The following CER1 variants were observed in gnomAD, a reference collection of about 807,000 sequenced individuals.
The protein encoded by CER1 is cerberus 1, DAN family BMP antagonist.
CER1 carries 10 observed loss-of-function variants against 11.8 expected under a neutral mutation model. That is an observed-to-expected ratio of 0.85 (90% confidence interval 0.52 to 1.44). The LOEUF is 1.44. CER1 is among the 40% of genes most tolerant of loss of function. The pLI, the probability that CER1 is intolerant of heterozygous loss-of-function variation, is 0.00. For synonymous variants in CER1, 141 were observed against 122.3 expected, an observed-to-expected ratio of 1.15 and a Z score of -1.01; for missense variants, 431 against 327.0, an observed-to-expected ratio of 1.32 and a Z score of -2.45.
downstream of CER1, among the ~76,000 whole-genome samples, chr9:14,718,005 A>C (rs1839958852): frequency 1.3e-5 from 2 of 152,200 alleles, no homozygotes; most frequent in East Asian, 3.8e-4. Flanking sequence ...GGTTTCTTAC[A>C]GTCTTACATA....
chr9:14,720,349 T>G lies in CER1; in HGVS notation c.545A>C (p.Gln182Pro). 6.2e-7 allele frequency: 1 copy of G among 1,613,362 alleles called. No individual in the cohort carries two copies. The highest frequency in any genetic ancestry group is 8.5e-7 in the Non-Finnish European group (1 of 1,179,650). Residue 182 changes from glutamine to proline, a missense_variant, in exon 2 of 2, where the codon CAG (glutamine) becomes CCG (proline). Physicochemically the swap from Gln to Pro is moderately conservative, Grantham distance 76. Coordinates refer to ENST00000380911, the MANE Select transcript of CER1 (RefSeq NM_005454.3). ...GCATTTCCCAAAGCAAAGGTTGTTC[T>G]GAACAACTACTTTTTCACAGCCTTC... is the stretch of plus-strand genomic sequence containing the variant. ...THEGCEKVVV[Q>P]NNLCFGKCGS...
rs750220933 is a variant in CER1, at chr9:14,722,410, T to C, written c.263A>G (p.Lys88Arg). ...KMLSRFGRFW[K>R]KPEREMHPSR... ...TGGATGCATTTCTCTCTCAGGCTTC[T>C]TCCAGAACCTGCCAAATCTGGACAG... Residue 88 changes from lysine to arginine, a missense_variant, in exon 1 of 2, where the codon AAG becomes AGG. Coordinates refer to ENST00000380911, the MANE Select transcript of CER1 (RefSeq NM_005454.3). 3 of 1,614,214 alleles carry C rather than the reference T, an allele frequency of 1.9e-6. No individual in the cohort carries two copies. Among genetic ancestry groups the C allele is most frequent in the Non-Finnish European group, 2.5e-6 (3 of 1,180,038 alleles).
At chr9:14,721,809 T>C (rs1390885407) in intron 1 of CER1, among the ~76,000 whole-genome samples, 1 of 152,164 alleles carries the variant, frequency 6.6e-6, no homozygotes, top group Non-Finnish European at 1.5e-5. Context: ...TGGTGATTAC[T>C]CTAAATTCTC....
At chr9:14,720,524 G>A (rs1330657329) in intron 1 of CER1, 138 bp from the exon 2 acceptor site, 2 of 798,304 alleles carry the variant, frequency 2.5e-6, no homozygotes, top group Non-Finnish European at 3.9e-6. Context: ...TTTGCAATAT[G>A]CAAGTGATGG....
At position 14,722,678 on chromosome 9, in the gene CER1, C is replaced by T. The variant is rs768707197; in HGVS notation, c.-6G>A. 6.3e-7 allele frequency: 1 copy of T among 1,589,896 alleles called. No homozygotes were observed. Among genetic ancestry groups the T allele is most frequent in the Non-Finnish European group, 8.5e-7 (1 of 1,176,246 alleles). On this transcript the variant is annotated 5_prime_UTR_variant, in exon 1 of 2. Coordinates refer to ENST00000380911, the MANE Select transcript of CER1 (RefSeq NM_005454.3). ...TGAAATAAGAGGAGATGCATGCTGT[C>T]AGGGGCCCAAGCTTCTTTTGTAAAT...
At chr9:14,719,197 G>A (rs1346477005), downstream of CER1, among the ~76,000 whole-genome samples, 1 of 152,132 alleles carries the variant, frequency 6.6e-6, no homozygotes, top group Non-Finnish European at 1.5e-5. Flanking sequence ...TCTCTGGATT[G>A]ATCTCTAAAC....
chr9:14,721,514 A>AAGAAAATC (rs1411697098), intron 1 of CER1, among the ~76,000 whole-genome samples: 1 of 152,214 alleles, frequency 6.6e-6, no homozygotes, highest in East Asian at 1.9e-4. Flanking sequence ...AAATAAGTGA[A>AAGAAAATC]AGAAAATCAC....
chr9:14,722,488 T>A lies in CER1; in HGVS notation c.185A>T (p.His62Leu). The change falls in exon 1 of 2, where the codon CAC (histidine) becomes CTC (leucine). Residue 62 changes from histidine (H) to leucine (L), a missense_variant. By Grantham distance (99) the His-to-Leu change is moderately conservative (BLOSUM62 -3). Coordinates refer to ENST00000380911, the MANE Select transcript of CER1 (RefSeq NM_005454.3). ...EKPDLFVAVP[H>L]LVATSPAGEG... Reference sequence around the variant, plus strand: ...CCCTGCAGGGCTGGTGGCTACAAGGTGTGGCACTGCGACAAACAGATCTGG... The same window carrying A: ...CCCTGCAGGGCTGGTGGCTACAAGGAGTGGCACTGCGACAAACAGATCTGG... 6.2e-7 allele frequency: 1 copy of A among 1,614,170 alleles called. No homozygotes were observed. The highest frequency in any genetic ancestry group is 8.5e-7 in the Non-Finnish European group (1 of 1,180,026).
downstream of CER1, among the ~76,000 whole-genome samples, chr9:14,719,561 GCCTTCCTT>G (rs1229695964): frequency 0.012 from 728 of 62,352 alleles, 4 homozygotes; most frequent in African/African-American, 0.03. Context: ...CTGCCTGCCT[GCCTTCCTT>G]CCTTCCTTCC....
At chr9:14,718,120 A>G (rs145218183), downstream of CER1, among the ~76,000 whole-genome samples, 40 of 152,326 alleles carry the variant, frequency 2.6e-4, no homozygotes, top group Non-Finnish European at 5.9e-5. Context: ...AAGGTTTGAT[A>G]CCACTATCAA....
At chr9:14,722,048 C>A in intron 1 of CER1, 118 bp downstream of exon 1, 11 of 1,210,042 alleles carry the variant, frequency 9.1e-6, no homozygotes, top group South Asian at 3.1e-5. Flanking sequence ...GCCCAAGGAC[C>A]AAATCTGTAG....
downstream of CER1, among the ~76,000 whole-genome samples, chr9:14,718,961 A>G (rs372137653): frequency 2.6e-5 from 4 of 152,266 alleles, no homozygotes; most frequent in Admixed American, 2.0e-4. Context: ...ATATAAGAAC[A>G]TTTTTCAGAA....
rs191852331 is a variant in CER1 at position 14,722,057 on chromosome 9, A to G, written c.507+109T>C. 1.8e-4 allele frequency: 232 copies of G among 1,254,730 alleles called. 4 individuals are homozygous for G. In the East Asian group the frequency reaches 3.0e-3, roughly 16 times the overall value. The allele number at this position is 1,254,730 out of a possible 1,614,324, so 77.7% of individuals were successfully genotyped here. On this transcript the variant is annotated intron_variant, in intron 1 of 1. Transcript: ENST00000380911. ...ATGAATGCCCAAGGACCAAATCTGT[A>G]GTTAAGCTAGAGTCAGGCTCCTGAC...
At chr9:14,719,053 T>C (rs1428712202), downstream of CER1, among the ~76,000 whole-genome samples, 3 of 152,212 alleles carry the variant, frequency 2.0e-5, no homozygotes, top group Non-Finnish European at 4.4e-5. Flanking sequence ...CTGAATAAAA[T>C]TTATAATACA....
Position 14,719,952 on chromosome 9 carries a change from T to C in CER1, c.*138A>G. ...ATAACTAGACTAATATCATTTCCTC[T>C]ATCGTTCTAATTTAAAACTACGTTT... On this transcript the variant is annotated 3_prime_UTR_variant, in exon 2 of 2. Transcript: ENST00000380911. 1 of 740,890 alleles carries C rather than the reference T, an allele frequency of 1.3e-6. No individual in the cohort carries two copies. The highest frequency in any genetic ancestry group is 1.8e-5 in the South Asian group (1 of 55,724). 45.9% of individuals were successfully genotyped at this position (740,890 alleles called of 1,614,324 possible). A position where few individuals can be genotyped will look rare whatever the true frequency, so the allele number is the denominator to read the frequency against.
downstream of CER1, among the ~76,000 whole-genome samples, chr9:14,719,527 G>GTGCC (rs796774315): frequency 1.1e-3 from 129 of 120,982 alleles, no homozygotes; most frequent in South Asian, 2.1e-3. Context: ...GCCTGCCTGC[G>GTGCC]TGCCTGCCTG....
In CER1 at chr9:14,722,553, T is replaced by C. The variant is rs1840030124; in HGVS notation, c.120A>G (p.Arg40=). 2.5e-6 allele frequency: 4 copies of C among 1,614,168 alleles called. No individual in the cohort carries two copies. The East Asian group carries it at 8.9e-5, about 36-fold the overall frequency. ...LSPVLLPRNQ[R]ELPTGNHEEA... is the part of the protein sequence containing the mutation. ...CCTCATGGTTGCCTGTGGGAAGCTC[T>C]CTTTGATTCCTTGGCAGGAGTACGG... is the stretch of plus-strand genomic sequence containing the variant. Residue 40 remains arginine (R), a synonymous_variant, in exon 1 of 2, where the codon AGA becomes AGG. Coordinates refer to ENST00000380911, the MANE Select transcript of CER1 (RefSeq NM_005454.3).
In CER1 at chr9:14,722,534, G is replaced by C; in HGVS notation, c.139C>G (p.His47Asp). ...TCTGGCTTCTCCTCAGCTTCCTCATGGTTGCCTGTGGGAAGCTCTCTTTGA... is the reference window on the plus strand; with the variant it reads ...TCTGGCTTCTCCTCAGCTTCCTCATCGTTGCCTGTGGGAAGCTCTCTTTGA... ...RNQRELPTGN[H>D]EEAEEKPDLF... The change falls in exon 1 of 2, where the codon CAT becomes GAT. Residue 47 changes from histidine to aspartate, a missense_variant. By Grantham distance (81) the His-to-Asp change is moderately conservative. Transcript: ENST00000380911. 1 of 1,614,194 alleles carries C rather than the reference G, an allele frequency of 6.2e-7. No homozygotes were observed. The highest frequency in any genetic ancestry group is 8.5e-7 in the Non-Finnish European group (1 of 1,180,044).
Position 14,720,202 on chromosome 9 carries a change from T to G in CER1, c.692A>C (p.Lys231Thr), listed in dbSNP as rs1206486468. 6.2e-7 allele frequency: 1 copy of G among 1,614,046 alleles called. No individual in the cohort carries two copies. Among genetic ancestry groups the G allele is most frequent in the Non-Finnish European group, 8.5e-7 (1 of 1,180,044 alleles). ...LNCTELSSVI[K>T]VVMLVEECQC... The stretch of plus-strand genomic sequence containing the variant: ...GCACTCCTCCACCAGCATCACCACC[T>G]TGATCACGGAGGAAAGTTCAGTGCA... Residue 231 changes from lysine to threonine, a missense_variant, in exon 2 of 2, where the codon AAG (lysine) becomes ACG (threonine). Physicochemically the swap from Lys to Thr is moderately conservative, Grantham distance 78. Coordinates refer to ENST00000380911, the MANE Select transcript of CER1 (RefSeq NM_005454.3).
Sources: allele counts gnomAD v4.1 joint callset (sites outside exome capture counted in the v4.1 genomes callset), GRCh38; gene constraint gnomAD v4.1.1; transcripts MANE v1.5; gene names NCBI Gene and HGNC (gene_info 2026-07-23, HGNC 2026-07-21).